Variants in SLC25A12 observed in about 807,000 individuals in gnomAD.
The protein encoded by SLC25A12 is electrogenic aspartate/glutamate antiporter SLC25A12, mitochondrial.
In SLC25A12, 32 loss-of-function variants were observed where a neutral mutation model predicts 83.3. The observed-to-expected ratio is 0.38, with a 90% CI of 0.29 to 0.52. The LOEUF (loss-of-function observed/expected upper bound fraction) is 0.52. Among genes scored for constraint, SLC25A12 ranks in the 20% least tolerant of loss-of-function variants. SLC25A12 has a pLI of 0.84. For synonymous variants in SLC25A12, 267 were observed against 291.1 expected (o/e 0.92, Z 0.84); for missense variants, 611 against 835.6 (o/e 0.73, Z 3.31).
chr2:171,841,088 A>G (rs947405931), intron 5 of SLC25A12, among the ~76,000 whole-genome samples: 1 of 151,442 alleles, frequency 6.6e-6, no homozygotes, highest in Admixed American at 6.6e-5. Context: ...TTTGTTTGTT[A>G]GTTTGTTTTG....
chr2:171,788,970 C>T (rs991631008), intron 15 of SLC25A12: 11 of 152,196 alleles, frequency 7.2e-5, no homozygotes, highest in East Asian at 3.9e-4. Context: ...GGGAAGAAGT[C>T]GGTGCTGACA....
chr2:171,870,352 G>A (rs1685432651), intron 2 of SLC25A12, among the ~76,000 whole-genome samples: 1 of 152,216 alleles, frequency 6.6e-6, no homozygotes, highest in African/African-American at 2.4e-5. Context: ...GACAGGTGCA[G>A]TGGCTCACAC....
chr2:171,810,022 A>ATTT (rs1683917602), intron 12 of SLC25A12, among the ~76,000 whole-genome samples: 1 of 152,084 alleles, frequency 6.6e-6, no homozygotes, highest in Non-Finnish European at 1.5e-5. Flanking sequence ...CTAATTTTTA[A>ATTT]TTTTGTTGTT....
At chr2:171,879,849 G>A (rs1166597929) in intron 2 of SLC25A12, among the ~76,000 whole-genome samples, 1 of 152,178 alleles carries the variant, frequency 6.6e-6, no homozygotes, top group Admixed American at 6.5e-5. Flanking sequence ...GCAGGGTGCA[G>A]AAAGTATTAA....
intron 11 of SLC25A12, 40 bp downstream of exon 11, chr2:171,813,299 T>A (rs769241109): frequency 5.0e-6 from 8 of 1,610,660 alleles, no homozygotes; most frequent in Middle Eastern, 3.3e-4. Flanking sequence ...GCTGGTGAGA[T>A]CAAATCACTA....
At chr2:171,838,618 G>A (rs1415835329) in intron 5 of SLC25A12, among the ~76,000 whole-genome samples, 1 of 152,190 alleles carries the variant, frequency 6.6e-6, no homozygotes, top group Non-Finnish European at 1.5e-5. Context: ...CAGTACTAAA[G>A]AAGATGTGGA....
rs781256706 is a variant in SLC25A12 at position 171,834,016 on chromosome 2, T to C, written c.792A>G (p.Thr264=). ...GATATAGAATATCAATTTCTAGTGGTGTGACTTGTCCATAGCGTATGGCAC... is the reference window on the plus strand; with the variant it reads ...GATATAGAATATCAATTTCTAGTGGCGTGACTTGTCCATAGCGTATGGCAC... ...AQSAIRYGQV[T]PLEIDILYQL... is the part of the protein sequence containing the mutation. Residue 264 remains threonine (T), a synonymous_variant, in exon 8 of 18, where the codon ACA becomes ACG. Coordinates refer to ENST00000422440, the MANE Select transcript of SLC25A12 (RefSeq NM_003705.5). 2 of 1,610,916 alleles carry C rather than the reference T, an allele frequency of 1.2e-6. No homozygotes were observed. Among genetic ancestry groups the C allele is most frequent in the African/African-American group, 2.7e-5 (2 of 74,824 alleles).
intron 3 of SLC25A12, among the ~76,000 whole-genome samples, 185 bp downstream of exon 3, chr2:171,868,496 T>A (rs1685389896): frequency 6.6e-6 from 1 of 151,968 alleles, no homozygotes; most frequent in Non-Finnish European, 1.5e-5. Context: ...GTATTTTTAG[T>A]AGAGACAGGG....
intron 4 of SLC25A12, among the ~76,000 whole-genome samples, chr2:171,851,628 AG>A: frequency 6.6e-6 from 1 of 151,664 alleles, no homozygotes; most frequent in African/African-American, 2.4e-5. Context: ...TCCACCTCCC[AG>A]GCTCAAGTAA....
Position 171,786,382 on chromosome 2 carries a change from TAAA to T in SLC25A12, c.1836-910_1836-908del, listed in dbSNP as rs5836348. ...CTGGGCGACAGAGCAAGACTCCGTC[TAAA>T]AAAAAAAAAAAAAAAAAAAGAGAGA... On this transcript the variant is annotated intron_variant, in intron 17 of 17. Transcript: ENST00000422440. 5.2e-4 allele frequency among the ~76,000 whole-genome samples: 45 copies of T among 85,790 alleles called. 1 individual carries two copies. Among genetic ancestry groups the T allele is most frequent in the African/African-American group, 1.6e-3 (36 of 22,166 alleles). 56.3% of individuals were successfully genotyped at this position (85,790 alleles called of 152,430 possible). A position where few individuals can be genotyped will look rare whatever the true frequency, so the allele number is the denominator to read the frequency against.
intron 13 of SLC25A12, among the ~76,000 whole-genome samples, chr2:171,798,502 C>A (rs1050558919): frequency 6.6e-6 from 1 of 152,276 alleles, no homozygotes; most frequent in Non-Finnish European, 1.5e-5. Context: ...CTTCCCTTAT[C>A]GAGACTGATG....
chr2:171,817,464 T>C (rs2105867640), intron 9 of SLC25A12, among the ~76,000 whole-genome samples: 1 of 151,948 alleles, frequency 6.6e-6, no homozygotes, highest in Middle Eastern at 3.4e-3. Flanking sequence ...TAGTCAGGTA[T>C]AGTGGCAGGT....
At chr2:171,804,487 C>A (rs1683781325) in intron 13 of SLC25A12, among the ~76,000 whole-genome samples, 1 of 152,106 alleles carries the variant, frequency 6.6e-6, no homozygotes, top group African/African-American at 2.4e-5. Context: ...TCTCAAACTC[C>A]TGACCTCAAG....
chr2:171,866,623 G>A (rs1328595611), intron 3 of SLC25A12, among the ~76,000 whole-genome samples: 1 of 107,770 alleles, frequency 9.3e-6, no homozygotes, highest in African/African-American at 3.7e-5. Context: ...CGGGGCGGCT[G>A]GCCGGGCGGG....
chr2:171,811,914 A>G (rs1446719988), intron 11 of SLC25A12, among the ~76,000 whole-genome samples: 1 of 152,196 alleles, frequency 6.6e-6, no homozygotes, highest in Non-Finnish European at 1.5e-5. Context: ...ACAAAGAAAT[A>G]TTGGAGATAT....
chr2:171,805,257 C>T (rs537895581), intron 13 of SLC25A12, among the ~76,000 whole-genome samples: 12 of 151,980 alleles, frequency 7.9e-5, no homozygotes, highest in South Asian at 2.1e-4. Flanking sequence ...TGTAGGAACG[C>T]GCCACTTCAC....
At chr2:171,834,347 CAGAGTTAT>C (rs1684510427) in intron 7 of SLC25A12, 2 of 433,004 alleles carry the variant, frequency 4.6e-6, no homozygotes, top group Admixed American at 3.8e-5. Context: ...CTTTGTTCTC[CAGAGTTAT>C]AATACAAAAA....
At chr2:171,881,842 G>A (rs531252208) in intron 2 of SLC25A12, among the ~76,000 whole-genome samples, 4 of 152,182 alleles carry the variant, frequency 2.6e-5, no homozygotes, top group African/African-American at 9.6e-5. Context: ...GATGGGAGGG[G>A]TAGGGTAAGG....
At chr2:171,811,571 GAAT>G (rs1683946626) in intron 11 of SLC25A12, among the ~76,000 whole-genome samples, 3 of 152,190 alleles carry the variant, frequency 2.0e-5, no homozygotes, top group Admixed American at 2.0e-4. Flanking sequence ...TCATCTGACA[GAAT>G]AATGGACCAG....
Sources: gnomAD v4.1 joint callset for allele counts (sites outside exome capture counted in the v4.1 genomes callset) on GRCh38, gnomAD v4.1.1 for gene constraint, MANE v1.5 for transcripts, NCBI Gene and HGNC (gene_info 2026-07-23, HGNC 2026-07-21) for gene names.